Variants in ETS1 observed in about 807,000 individuals in gnomAD.
ETS1 encodes ETS proto-oncogene 1, transcription factor.
In ETS1, 15 loss-of-function variants were observed where a neutral mutation model predicts 58.6. The ratio of observed to expected loss-of-function variants is 0.26; its 90% CI spans 0.17 to 0.39. The LOEUF is 0.39. Among genes scored for constraint, ETS1 ranks in the 10% least tolerant of loss-of-function variants. ETS1 has a pLI of 1.00. For missense variants in ETS1, 417 were observed against 610.5 expected, an observed-to-expected ratio of 0.68 and a Z score of 3.34; for synonymous variants, 214 against 218.2, an observed-to-expected ratio of 0.98 and a Z score of 0.17.
At chr11:128,585,168 GAGAAAGAAAGAAAGAAA>G (rs1864990507) in intron 1 of ETS1, among the ~76,000 whole-genome samples, 1 of 8,368 alleles carries the variant, frequency 1.2e-4, no homozygotes, top group South Asian at 2.8e-3. Flanking sequence ...AAGAAAGAAA[GAGAAAGAAAGAAAGAAA>G]GAAGGAAGGA....
chr11:128,566,387 G>A (rs754590903), intron 2 of ETS1, among the ~76,000 whole-genome samples: 2 of 152,308 alleles, frequency 1.3e-5, no homozygotes, highest in East Asian at 1.9e-4. Context: ...TCACTGAACC[G>A]TCACAGTGAC....
chr11:128,565,029 C>CAAATAAAT (rs6144562), intron 2 of ETS1, among the ~76,000 whole-genome samples: 6,733 of 144,514 alleles, frequency 0.047, 280 homozygotes, highest in African/African-American at 0.11. Flanking sequence ...CACCAAATAT[C>CAAATAAAT]AAATAAATAA....
intron 2 of ETS1, among the ~76,000 whole-genome samples, chr11:128,568,689 C>T (rs1245547523): frequency 6.6e-6 from 1 of 152,202 alleles, no homozygotes; most frequent in Non-Finnish European, 1.5e-5. Flanking sequence ...CTGTGCAAAA[C>T]CATGATTACC....
chr11:128,512,252 G>T (rs930296410), intron 3 of ETS1, among the ~76,000 whole-genome samples: 2 of 152,152 alleles, frequency 1.3e-5, no homozygotes, highest in African/African-American at 4.8e-5. Flanking sequence ...GAGGATACTG[G>T]CACAAAGTTT....
intron 3 of ETS1, among the ~76,000 whole-genome samples, chr11:128,491,668 T>C (rs185289649): frequency 3.8e-4 from 58 of 152,346 alleles, no homozygotes; most frequent in African/African-American, 1.3e-3. Flanking sequence ...TATGAATGGA[T>C]GAGCAAGACA....
intron 3 of ETS1, among the ~76,000 whole-genome samples, chr11:128,525,282 T>C (rs1863779501): frequency 6.6e-6 from 1 of 152,072 alleles, no homozygotes; most frequent in Non-Finnish European, 1.5e-5. Context: ...GTCACCTTCA[T>C]ACAGGAATTC....
At chr11:128,498,540 AATGCACCTAAG>A (rs1159994293) in intron 3 of ETS1, among the ~76,000 whole-genome samples, 13 of 152,222 alleles carry the variant, frequency 8.5e-5, no homozygotes, top group Non-Finnish European at 7.3e-5. Flanking sequence ...ACATGAATCC[AATGCACCTAAG>A]ATGCCTTTTG....
chr11:128,533,856 T>C (rs1278803311), intron 3 of ETS1, among the ~76,000 whole-genome samples: 1 of 152,230 alleles, frequency 6.6e-6, no homozygotes, highest in Admixed American at 6.5e-5. Context: ...ACTTAGTGAA[T>C]GCTTAATAAG....
chr11:128,585,225 A>AGAAAGAAAGAAAGAAAGAAG (rs1865003250), intron 1 of ETS1, among the ~76,000 whole-genome samples: 1 of 62,870 alleles, frequency 1.6e-5, no homozygotes, highest in Non-Finnish European at 3.5e-5. Flanking sequence ...AAAGAAAGAA[A>AGAAAGAAAGAAAGAAAGAAG]GAAAGAAAGA....
rs1864061500 is a variant in ETS1 at position 128,541,782 on chromosome 11, C to G, written c.214+14509G>C. 2.0e-5 allele frequency among the ~76,000 whole-genome samples: 3 copies of G among 152,144 alleles called. No individual in the cohort carries two copies. In the South Asian group the frequency reaches 6.2e-4, roughly 32 times the overall value. ...TACTAGAAACATGACAAGGACAAAG[C>G]CCCTGACCTCAAGCTGTATATAGTC... On this transcript the variant is annotated intron_variant, in intron 3 of 9. Transcript: ENST00000392668.
At chr11:128,573,283 C>A (rs1396365085) in intron 1 of ETS1, 139 bp from the exon 2 acceptor site, 4 of 631,244 alleles carry the variant, frequency 6.3e-6, no homozygotes, top group Non-Finnish European at 1.1e-5. Context: ...GCAGGGAAAG[C>A]AATGGAAATT....
chr11:128,555,260 A>G (rs1864295038), intron 3 of ETS1, among the ~76,000 whole-genome samples: 1 of 152,218 alleles, frequency 6.6e-6, no homozygotes, highest in Non-Finnish European at 1.5e-5. Context: ...CCTGATGAGC[A>G]ATAAAGCATG....
At chr11:128,521,956 G>C (rs1565395355) in intron 3 of ETS1, 1 of 1,607,568 alleles carries the variant, frequency 6.2e-7, no homozygotes, top group Non-Finnish European at 8.5e-7. Context: ...CCGTCTTGAT[G>C]ATGGTGAGAG....
intron 3 of ETS1, among the ~76,000 whole-genome samples, chr11:128,554,523 T>C (rs1864283247): frequency 6.6e-6 from 1 of 152,108 alleles, no homozygotes; most frequent in Non-Finnish European, 1.5e-5. Flanking sequence ...AAAAACATCT[T>C]TACCTTTGAG....
At chr11:128,515,102 A>C (rs987925452) in intron 3 of ETS1, among the ~76,000 whole-genome samples, 2 of 152,192 alleles carry the variant, frequency 1.3e-5, no homozygotes, top group Non-Finnish European at 2.9e-5. Flanking sequence ...ACAAAAAGAA[A>C]ACACAACATT....
intron 9 of ETS1, 121 bp from the exon 10 acceptor site, chr11:128,462,697 T>G: frequency 1.4e-6 from 1 of 710,022 alleles, no homozygotes; most frequent in Non-Finnish European, 2.4e-6. Flanking sequence ...TCAAGTAAGA[T>G]GATTTGAGAT....
chr11:128,544,755 A>G (rs1237948133), intron 3 of ETS1, among the ~76,000 whole-genome samples: 1 of 152,176 alleles, frequency 6.6e-6, no homozygotes, highest in African/African-American at 2.4e-5. Flanking sequence ...ATGGTATTTA[A>G]TTCATTGTGA....
At chr11:128,570,942 G>A (rs533500038) in intron 2 of ETS1, among the ~76,000 whole-genome samples, 50 of 152,164 alleles carry the variant, frequency 3.3e-4, no homozygotes, top group African/African-American at 1.2e-3. Context: ...ATATATTATC[G>A]TCTAAACCTT....
chr11:128,521,928 G>A (rs1202062176), intron 3 of ETS1: 3 of 1,605,678 alleles, frequency 1.9e-6, no homozygotes, highest in Non-Finnish European at 2.6e-6. Flanking sequence ...GAGGGGAAAA[G>A]CTCCAGATCG....
Sources: gnomAD v4.1 joint callset for allele counts (sites outside exome capture counted in the v4.1 genomes callset) on GRCh38, gnomAD v4.1.1 for gene constraint, MANE v1.5 for transcripts, NCBI Gene and HGNC (gene_info 2026-07-23, HGNC 2026-07-21) for gene names.